The following MTA1 variants were observed in gnomAD, a reference collection of about 807,000 sequenced individuals.
The protein encoded by MTA1 is metastasis-associated protein MTA1.
Under a neutral mutation model 97.0 loss-of-function variants are expected in MTA1, and 15 were observed. The observed-to-expected ratio is 0.15, with a 90% CI of 0.10 to 0.24. The LOEUF (loss-of-function observed/expected upper bound fraction) is 0.24. Ranked by LOEUF, MTA1 falls within the 10% of genes least tolerant of loss-of-function variation. The pLI, the probability that MTA1 is intolerant of heterozygous loss-of-function variation, is 1.00. For synonymous variants in MTA1, 435 were observed against 417.5 expected, an observed-to-expected ratio of 1.04 and a Z score of -0.51; for missense variants, 709 against 1,015.1, an observed-to-expected ratio of 0.70 and a Z score of 4.10.
intron 6 of MTA1, among the ~76,000 whole-genome samples, chr14:105,451,228 T>C (rs2082917111): frequency 6.6e-6 from 1 of 152,196 alleles, no homozygotes; most frequent in African/African-American, 2.4e-5. Flanking sequence ...CCACGGTGTG[T>C]CCCAAGCTCA....
Position 105,469,974 on chromosome 14 carries a change from T to A in MTA1, c.1979T>A (p.Met660Lys). ...WIDAPDDVFYMATEETRKIRK... is the reference protein window; with the variant it reads ...WIDAPDDVFYKATEETRKIRK... ...GACGCCCCGGATGACGTGTTCTACA[T>A]GGCCACAGAGGAGACCAGGTGGGGC... The change falls in exon 20 of 21, where the codon ATG (methionine) becomes AAG (lysine). Residue 660 changes from methionine (M) to lysine (K), a missense_variant. By Grantham distance (95) the Met-to-Lys change is moderately conservative. Around this residue, in one of 2 missense-constraint regions of MTA1, gnomAD observed 388 missense variants for 421.6 expected, o/e 0.92. Transcript: ENST00000331320. The A allele has an allele frequency of 6.2e-7, 1 of 1,612,496 alleles. No homozygotes were observed. Among genetic ancestry groups the A allele is most frequent in the East Asian group, 2.2e-5 (1 of 44,872 alleles).
intron 2 of MTA1, among the ~76,000 whole-genome samples, chr14:105,443,901 C>T (rs587636561): frequency 1.2e-3 from 175 of 147,966 alleles, no homozygotes; most frequent in South Asian, 6.9e-3. Flanking sequence ...CCATCCTGGC[C>T]AACATGGTAA....
rs1595299549 is a variant in MTA1 at position 105,436,365 on chromosome 14, T to C, written c.29-2307T>C. On this transcript the variant is annotated intron_variant, in intron 1 of 20. Coordinates refer to ENST00000331320, the MANE Select transcript of MTA1 (RefSeq NM_004689.4). ...ATTTTTACTCTATCATTTCCTGCCT[T>C]CTTGCTTTATTTGTCCGTTTATTAA... Among the ~76,000 whole-genome samples, 3 of 152,254 alleles carry C rather than the reference T, an allele frequency of 2.0e-5. No individual in the cohort carries two copies. In the East Asian group the frequency reaches 5.8e-4, roughly 29 times the overall value.
intron 7 of MTA1, among the ~76,000 whole-genome samples, chr14:105,454,916 C>A (rs112124468): frequency 6.7e-6 from 1 of 150,368 alleles, no homozygotes; most frequent in African/African-American, 2.4e-5. Context: ...ATTACTTTTT[C>A]TTTTTTTTGG....
intron 15 of MTA1, 43 bp from the exon 16 acceptor site, chr14:105,465,051 C>A (rs2083511907): frequency 1.4e-6 from 2 of 1,475,580 alleles, no homozygotes; most frequent in East Asian, 5.0e-5. Context: ...TCCCGTGCTC[C>A]CCTGGGGGTG....
intron 7 of MTA1, among the ~76,000 whole-genome samples, chr14:105,457,255 G>T (rs2083186734): frequency 6.6e-6 from 1 of 152,236 alleles, no homozygotes; most frequent in Admixed American, 6.5e-5. Flanking sequence ...GCTCAGCCAT[G>T]CTCAGACACA....
intron 1 of MTA1, among the ~76,000 whole-genome samples, chr14:105,437,853 G>A (rs782196354): frequency 2.0e-5 from 3 of 152,190 alleles, no homozygotes; most frequent in Non-Finnish European, 2.9e-5. Flanking sequence ...CTGGAGCATC[G>A]GGGTGTCAGC....
chr14:105,435,389 G>A lies in MTA1; in HGVS notation c.29-3283G>A, dbSNP rs143886944. 7.5e-3 allele frequency among the ~76,000 whole-genome samples: 1,143 copies of A among 152,256 alleles called. 12 individuals carry two copies. The highest frequency in any genetic ancestry group is 0.026 in the African/African-American group (1,076 of 41,532). ...CAGCCCCAAACTCCTGGGCTTAAGC[G>A]ATCCTTCTGCCTTAGCCCCCAAGCA... On this transcript the variant is annotated intron_variant, in intron 1 of 20. Coordinates refer to ENST00000331320, the MANE Select transcript of MTA1 (RefSeq NM_004689.4).
rs587662550 is a variant in MTA1 at position 105,449,537 on chromosome 14, G to T, written c.241+128G>T. The T allele has an allele frequency of 1.3e-4, 132 of 1,000,778 alleles. 1 individual carries two copies. Among genetic ancestry groups the T allele is most frequent in the Admixed American group, 5.8e-4 (23 of 39,348 alleles). The allele number at this position is 1,000,778 out of a possible 1,614,324, so 62.0% of individuals were successfully genotyped here. ...CCTGTGCCCTGCGCCCGGCCGGCCC[G>T]GCTGAGGAGGGGCCCTCCCTTGTGT... On this transcript the variant is annotated intron_variant, in intron 4 of 20. Transcript: ENST00000331320.
At chr14:105,455,891 G>A (rs2083128515) in intron 7 of MTA1, among the ~76,000 whole-genome samples, 1 of 152,196 alleles carries the variant, frequency 6.6e-6, no homozygotes, top group African/African-American at 2.4e-5. Flanking sequence ...GAGGCCTGTG[G>A]GTCGGAGCCT....
intron 2 of MTA1, among the ~76,000 whole-genome samples, chr14:105,444,790 TAAAA>T (rs201104877): frequency 8.1e-6 from 1 of 123,832 alleles, no homozygotes; most frequent in African/African-American, 3.4e-5. Flanking sequence ...GACCCCATCT[TAAAA>T]AAAAAAAAAA....
intron 16 of MTA1, chr14:105,465,445 C>T (rs2083534296): frequency 3.0e-6 from 1 of 329,426 alleles, no homozygotes; most frequent in African/African-American, 2.1e-5. Context: ...GGGCCAGCCT[C>T]CTCAAGGCAC....
intron 6 of MTA1, among the ~76,000 whole-genome samples, chr14:105,453,710 C>G (rs888962964): frequency 6.6e-6 from 1 of 152,108 alleles, no homozygotes; most frequent in Non-Finnish European, 1.5e-5. Flanking sequence ...ACTTGGAAGG[C>G]TGAGGCAGGA....
In MTA1 at chr14:105,463,244, A is replaced by G; in HGVS notation, c.1003A>G (p.Arg335Gly). 1 of 1,610,648 alleles carries G rather than the reference A, an allele frequency of 6.2e-7. No homozygotes were observed. Among genetic ancestry groups the G allele is most frequent in the Non-Finnish European group, 8.5e-7 (1 of 1,179,788 alleles). The change falls in exon 11 of 21, where the codon AGA (arginine) becomes GGA (glycine). Residue 335 changes from arginine (R) to glycine (G), a missense_variant. Around this residue, in one of 2 missense-constraint regions of MTA1, gnomAD observed 321 missense variants for 593.5 expected, o/e 0.54. Coordinates refer to ENST00000331320, the MANE Select transcript of MTA1 (RefSeq NM_004689.4). This position sits in a 1 kb window ranked among gnomAD's most constrained non-coding sequence, Gnocchi z 5.9. ...EYYYMWKTTD[R>G]YVQQKRLKAA... is the part of the protein sequence containing the mutation. The stretch of plus-strand genomic sequence containing the variant: ...CTACTACATGTGGAAGACCACCGAC[A>G]GATACGTGCAGCAGGTGAGCCCGCC...
At chr14:105,428,390 A>G (rs900100183) in intron 1 of MTA1, among the ~76,000 whole-genome samples, 2 of 151,992 alleles carry the variant, frequency 1.3e-5, no homozygotes, top group Non-Finnish European at 2.9e-5. Flanking sequence ...TCCCAGGCTC[A>G]AGTGATCCTT....
At position 105,450,199 on chromosome 14, in the gene MTA1, C is replaced by G. The variant is rs782470441; in HGVS notation, c.368+15C>G. 7.4e-6 allele frequency: 12 copies of G among 1,612,490 alleles called. No individual in the cohort carries two copies. In the Admixed American group the frequency reaches 2.0e-4, roughly 27 times the overall value. On this transcript the variant is annotated intron_variant, in intron 5 of 20. Transcript: ENST00000331320. ...ACGCACATCAGGTAGCCCCCAGCAG[C>G]TCCCGCCCTGGGCCCCTCGGGCTGC...
rs900149694 is a variant in MTA1 at position 105,422,149 on chromosome 14, C to T, written c.28+2086C>T. Among the ~76,000 whole-genome samples, 13 of 152,310 alleles carry T rather than the reference C, an allele frequency of 8.5e-5. No individual in the cohort carries two copies. In the Middle Eastern group the frequency reaches 0.01, roughly 120 times the overall value. ...CACGTGCCCGCCCCGAGGACTTCCT[C>T]TCCCTGCAGGTGAGACTGTAGGCCT... On this transcript the variant is annotated intron_variant, in intron 1 of 20. Transcript: ENST00000331320. This position sits in a 1 kb window ranked among gnomAD's most constrained non-coding sequence, Gnocchi z 4.3.
At chr14:105,468,039 G>A (rs1373779734) in intron 18 of MTA1, 1 of 334,480 alleles carries the variant, frequency 3.0e-6, no homozygotes, top group Non-Finnish European at 6.0e-6. Context: ...CAGAGGAAGC[G>A]CCTGTCCTGA....
Position 105,466,426 on chromosome 14 carries a change from A to AGGGGGGGGGGGGGGGGGGGGGGGGGGGGG in MTA1, c.1626_1627insGGGGGGGGGGGGGGGGGGGGGGGGGGGGG (p.Thr543GlyfsTer21). 6.7e-7 allele frequency: 1 copy of AGGGGGGGGGGGGGGGGGGGGGGGGGGGGG among 1,484,222 alleles called. No individual in the cohort carries two copies. Among genetic ancestry groups the AGGGGGGGGGGGGGGGGGGGGGGGGGGGGG allele is most frequent in the Non-Finnish European group, 9.3e-7 (1 of 1,071,324 alleles). 91.9% of individuals were successfully genotyped at this position (1,484,222 alleles called of 1,614,324 possible). A position where few individuals can be genotyped will look rare whatever the true frequency, so the allele number is the denominator to read the frequency against. On this transcript the variant is annotated frameshift_variant and splice_region_variant, in exon 17 of 21. Transcript: ENST00000331320. LOFTEE classifies it high-confidence loss of function. ...GTTCTGCCTGTGTCATTCCCGGCAG[A>AGGGGGGGGGGGGGGGGGGGGGGGGGGGGG]GACCCACCCCCGCCCCCCCAAGCCT...
Sources: gnomAD v4.1 joint callset for allele counts (sites outside exome capture counted in the v4.1 genomes callset) on GRCh38, gnomAD v4.1.1 for gene constraint, gnomAD v4.1.1 regional missense constraint, Gnocchi (gnomAD v3.1) non-coding constraint, MANE v1.5 for transcripts, NCBI Gene and HGNC (gene_info 2026-07-23, HGNC 2026-07-21) for gene names.